Variants in NOL4 observed in about 807,000 individuals in gnomAD.
NOL4 encodes cancer/testis antigen 125.
Under a neutral mutation model 75.9 loss-of-function variants are expected in NOL4, and 17 were observed. That is an observed-to-expected ratio of 0.22 (90% CI 0.15 to 0.34). NOL4 has a LOEUF of 0.34. Ranked by LOEUF, NOL4 falls within the 10% of genes least tolerant of loss-of-function variation. The probability of loss-of-function intolerance (pLI) is 1.00; values close to 1 mark genes in which losing one functional copy is unlikely to be tolerated. For missense variants in NOL4, 614 were observed against 793.5 expected, an observed-to-expected ratio of 0.77 and a Z score of 2.72; for synonymous variants, 292 against 289.9, an observed-to-expected ratio of 1.01 and a Z score of -0.07.
At chr18:34,167,573 CAGAT>C (rs1422912242) in intron 1 of NOL4, among the ~76,000 whole-genome samples, 6 of 104,584 alleles carry the variant, frequency 5.7e-5, no homozygotes, top group Non-Finnish European at 8.8e-5. Context: ...GACAGACAGA[CAGAT>C]AGATAGAGGT....
chr18:33,943,961 A>C (rs1165235377), intron 8 of NOL4, among the ~76,000 whole-genome samples: 1 of 151,898 alleles, frequency 6.6e-6, no homozygotes, highest in Non-Finnish European at 1.5e-5. Flanking sequence ...AAAAATTATG[A>C]TTTTCATTCT....
chr18:33,869,391 G>A (rs1190650418), intron 10 of NOL4, among the ~76,000 whole-genome samples: 1 of 151,976 alleles, frequency 6.6e-6, no homozygotes, highest in African/African-American at 2.4e-5. Context: ...AATATTTGTT[G>A]CTTTGGGAGT....
intron 6 of NOL4, among the ~76,000 whole-genome samples, chr18:33,992,287 A>C (rs1296103294): frequency 6.6e-6 from 1 of 152,016 alleles, no homozygotes; most frequent in Non-Finnish European, 1.5e-5. Context: ...AAATGTATTG[A>C]ACAGTTAACA....
At chr18:34,010,611 A>AT (rs764087407) in intron 6 of NOL4, among the ~76,000 whole-genome samples, 1 of 151,886 alleles carries the variant, frequency 6.6e-6, no homozygotes, top group Non-Finnish European at 1.5e-5. Flanking sequence ...CTATTTTTAG[A>AT]TTTTTGAGCA....
chr18:33,887,216 T>TA (rs2064796028), intron 9 of NOL4, among the ~76,000 whole-genome samples: 1 of 148,930 alleles, frequency 6.7e-6, no homozygotes, highest in Admixed American at 6.8e-5. Flanking sequence ...AAAAAAGATT[T>TA]AAAAAATAAA....
intron 5 of NOL4, among the ~76,000 whole-genome samples, chr18:34,026,048 A>G (rs1342599633): frequency 3.9e-5 from 6 of 152,204 alleles, no homozygotes; most frequent in Non-Finnish European, 5.9e-5. Flanking sequence ...CTGGATTTAC[A>G]GAACAAATAC....
At chr18:34,129,465 A>G (rs4368230) in intron 2 of NOL4, among the ~76,000 whole-genome samples, 1 of 151,464 alleles carries the variant, frequency 6.6e-6, no homozygotes, top group African/African-American at 2.4e-5. Context: ...GAAAATACCT[A>G]AACATATTAA....
chr18:33,927,352 T>A (rs1263227089), intron 9 of NOL4, among the ~76,000 whole-genome samples: 1 of 152,214 alleles, frequency 6.6e-6, no homozygotes, highest in Non-Finnish European at 1.5e-5. Context: ...CATATTCCTA[T>A]CATTTTTCTC....
At chr18:34,185,197 C>G (rs764195351) in intron 1 of NOL4, among the ~76,000 whole-genome samples, 43 of 152,142 alleles carry the variant, frequency 2.8e-4, no homozygotes, top group Admixed American at 7.9e-4. Context: ...TGTGAAGGAG[C>G]TGAGATTGTG....
At chr18:34,117,587 T>C (rs2079919389) in intron 2 of NOL4, among the ~76,000 whole-genome samples, 1 of 152,206 alleles carries the variant, frequency 6.6e-6, no homozygotes, top group African/African-American at 2.4e-5. Context: ...AGTCAGACTA[T>C]GGAGTAACAA....
chr18:34,132,239 G>A lies in NOL4; in HGVS notation c.265-2219C>T, dbSNP rs1450534812. Among the ~76,000 whole-genome samples, 5 of 152,156 alleles carry A rather than the reference G, an allele frequency of 3.3e-5. No homozygotes were observed. The East Asian group carries it at 9.6e-4, about 29-fold the overall frequency. ...AGATAATCCAAAGTAATCTTCTCAA[G>A]ATGCTTAATAATATCTACAAAGGTC... On this transcript the variant is annotated intron_variant, in intron 1 of 10. Coordinates refer to ENST00000261592, the MANE Select transcript of NOL4 (RefSeq NM_003787.5).
At chr18:34,101,039 C>T (rs577080071) in intron 4 of NOL4, among the ~76,000 whole-genome samples, 6 of 152,104 alleles carry the variant, frequency 3.9e-5, no homozygotes, top group Non-Finnish European at 8.8e-5. Flanking sequence ...TGCTTCACAT[C>T]GAATCTGTCA....
At chr18:34,084,032 T>G (rs2078130974) in intron 5 of NOL4, among the ~76,000 whole-genome samples, 1 of 152,210 alleles carries the variant, frequency 6.6e-6, no homozygotes, top group South Asian at 2.1e-4. Context: ...GATGGCAGCC[T>G]GCTTCTTCCT....
rs915264711 is a variant in NOL4, at chr18:34,168,354, T to C, written c.265-38334A>G. Among the ~76,000 whole-genome samples the C allele has an allele frequency of 3.5e-4, 53 of 151,830 alleles. 1 individual carries two copies. Among genetic ancestry groups the C allele is most frequent in the East Asian group, 7.7e-4 (4 of 5,178 alleles). On this transcript the variant is annotated intron_variant, in intron 1 of 10. Coordinates refer to ENST00000261592, the MANE Select transcript of NOL4 (RefSeq NM_003787.5). ...ATGTTTAAAAAGTTAAAATAAGAGA[T>C]ATAAATAAATTTTTTTTAGCCAGAA...
intron 9 of NOL4, among the ~76,000 whole-genome samples, chr18:33,922,640 G>C (rs1221838533): frequency 2.6e-5 from 4 of 152,084 alleles, no homozygotes; most frequent in Non-Finnish European, 5.9e-5. Context: ...AAATATACAA[G>C]AGCATCTCTT....
At chr18:34,027,651 T>C (rs1486244803) in intron 5 of NOL4, among the ~76,000 whole-genome samples, 2 of 152,220 alleles carry the variant, frequency 1.3e-5, no homozygotes, top group Non-Finnish European at 2.9e-5. Context: ...TATTATACAC[T>C]AATTTTTTCA....
intron 1 of NOL4, among the ~76,000 whole-genome samples, chr18:34,163,135 T>C (rs1306569726): frequency 1.3e-5 from 2 of 152,184 alleles, no homozygotes; most frequent in Non-Finnish European, 2.9e-5. Flanking sequence ...GCCAATATCA[T>C]ACTGAATAGG....
chr18:33,880,583 C>CCATTGA (rs1383937973), intron 10 of NOL4, among the ~76,000 whole-genome samples: 1 of 152,038 alleles, frequency 6.6e-6, no homozygotes, highest in Non-Finnish European at 1.5e-5. Context: ...ACCGAGCATG[C>CCATTGA]CATTGACATT....
At chr18:34,069,752 T>C (rs2077430444) in intron 5 of NOL4, among the ~76,000 whole-genome samples, 1 of 152,168 alleles carries the variant, frequency 6.6e-6, no homozygotes, top group Non-Finnish European at 1.5e-5. Flanking sequence ...GCCAGCTTAC[T>C]TTCCATGTCA....
Sources: gnomAD v4.1 joint callset for allele counts (sites outside exome capture counted in the v4.1 genomes callset) on GRCh38, gnomAD v4.1.1 for gene constraint, MANE v1.5 for transcripts, NCBI Gene and HGNC (gene_info 2026-07-23, HGNC 2026-07-21) for gene names.